The following KIF26B variants were observed in gnomAD, a reference collection of about 807,000 sequenced individuals.
The protein encoded by KIF26B is kinesin family member 26B, also known as kinesin-like protein KIF26B.
Under a neutral mutation model 151.2 loss-of-function variants are expected in KIF26B, and 63 were observed. The ratio of observed to expected loss-of-function variants is 0.42; its 90% CI spans 0.34 to 0.51. The LOEUF (loss-of-function observed/expected upper bound fraction) is 0.51. Among genes scored for constraint, KIF26B ranks in the 20% least tolerant of loss-of-function variants. The pLI is 0.07. For missense variants in KIF26B, 2,813 were observed against 2,913.6 expected, an observed-to-expected ratio of 0.97 and a Z score of 0.79; for synonymous variants, 1,357 against 1,262.1, an observed-to-expected ratio of 1.08 and a Z score of -1.59.
At chr1:245,258,744 A>G (rs1270191572) in intron 2 of KIF26B, among the ~76,000 whole-genome samples, 2 of 152,020 alleles carry the variant, frequency 1.3e-5, no homozygotes, top group Admixed American at 6.6e-5. Flanking sequence ...GGAGCACAGC[A>G]TGGTGGGGGG....
Position 245,478,811 on chromosome 1 carries a change from G to A in KIF26B, c.1166+59066G>A, listed in dbSNP as rs74154407. ...GGAAGGAAACCAGGCAGGATGTGAT[G>A]GCAGCGACGTGGGTGAGAGTGGTGA... is the stretch of plus-strand genomic sequence containing the variant. On this transcript the variant is annotated intron_variant, in intron 4 of 14. Coordinates refer to ENST00000407071, the MANE Select transcript of KIF26B (RefSeq NM_018012.4). Among the ~76,000 whole-genome samples, 183 of 151,888 alleles carry A rather than the reference G, an allele frequency of 1.2e-3. 1 individual carries two copies. Among genetic ancestry groups the A allele is most frequent in the African/African-American group, 4.1e-3 (171 of 41,524 alleles).
intron 3 of KIF26B, among the ~76,000 whole-genome samples, chr1:245,413,193 A>T (rs1424208096): frequency 1.3e-5 from 2 of 152,216 alleles, no homozygotes; most frequent in Non-Finnish European, 2.9e-5. Context: ...TGACAGTGAC[A>T]CATACACGTA....
intron 2 of KIF26B, among the ~76,000 whole-genome samples, chr1:245,264,901 C>CAA (rs909538216): frequency 7.5e-6 from 1 of 134,140 alleles, no homozygotes; most frequent in Admixed American, 7.6e-5. Flanking sequence ...TCAAAAAAAA[C>CAA]AAAAAAAAAG....
At chr1:245,463,528 G>A (rs1376412750) in intron 4 of KIF26B, among the ~76,000 whole-genome samples, 1 of 152,182 alleles carries the variant, frequency 6.6e-6, no homozygotes, top group Non-Finnish European at 1.5e-5. Flanking sequence ...ATGGAGCTAT[G>A]GACATGAAAG....
intron 4 of KIF26B, among the ~76,000 whole-genome samples, chr1:245,494,886 A>G (rs10802214): frequency 0.33 from 49,511 of 151,910 alleles, 9,864 homozygotes; most frequent in Middle Eastern, 0.48. Context: ...TAAAAAATAC[A>G]AAAATTAGCC....
chr1:245,285,722 C>T (rs1187995387), intron 2 of KIF26B, among the ~76,000 whole-genome samples: 2 of 149,950 alleles, frequency 1.3e-5, no homozygotes, highest in African/African-American at 4.9e-5. Context: ...GAGGGAGGAT[C>T]ACTTGAGCCC....
At chr1:245,408,178 T>G (rs930829283) in intron 3 of KIF26B, among the ~76,000 whole-genome samples, 12 of 152,140 alleles carry the variant, frequency 7.9e-5, no homozygotes, top group African/African-American at 2.9e-4. Context: ...AGTCTGAATT[T>G]GCTGAGTTGC....
At chr1:245,454,065 A>G (rs1380298753) in intron 4 of KIF26B, among the ~76,000 whole-genome samples, 1 of 152,196 alleles carries the variant, frequency 6.6e-6, no homozygotes, top group Non-Finnish European at 1.5e-5. Flanking sequence ...GGGAAGGCCA[A>G]TCAGTTGAAG....
At chr1:245,251,236 A>G (rs544580555) in intron 2 of KIF26B, among the ~76,000 whole-genome samples, 1 of 152,290 alleles carries the variant, frequency 6.6e-6, no homozygotes, top group South Asian at 2.1e-4. Context: ...ATTTGTACAA[A>G]TATTTAGGCA....
chr1:245,268,595 A>G (rs1436581693), intron 2 of KIF26B, among the ~76,000 whole-genome samples: 2 of 151,706 alleles, frequency 1.3e-5, no homozygotes, highest in African/African-American at 2.4e-5. Context: ...CCATGTTTCC[A>G]GAGTGCACTG....
intron 4 of KIF26B, among the ~76,000 whole-genome samples, chr1:245,470,099 C>A (rs1344667976): frequency 4.6e-5 from 7 of 152,024 alleles, no homozygotes; most frequent in Non-Finnish European, 1.5e-5. Context: ...GAGCCACACA[C>A]ACTGATTGTT....
intron 11 of KIF26B, 71 bp from the exon 12 acceptor site, chr1:245,685,334 C>G: frequency 7.7e-7 from 1 of 1,295,730 alleles, no homozygotes; most frequent in East Asian, 2.5e-5. Flanking sequence ...TCACCACTTG[C>G]CGCGCACAGC....
At chr1:245,507,432 T>A (rs1660746722) in intron 4 of KIF26B, among the ~76,000 whole-genome samples, 1 of 152,224 alleles carries the variant, frequency 6.6e-6, no homozygotes, top group South Asian at 2.1e-4. Context: ...TGGCCCATCC[T>A]CGTGTCCTGT....
intron 2 of KIF26B, among the ~76,000 whole-genome samples, chr1:245,321,795 C>T (rs562715090): frequency 6.6e-6 from 1 of 152,344 alleles, no homozygotes; most frequent in Non-Finnish European, 1.5e-5. Flanking sequence ...CCAGTTCGCT[C>T]AGCCATTCAA....
At chr1:245,437,265 C>G (rs1658958458) in intron 4 of KIF26B, among the ~76,000 whole-genome samples, 1 of 152,196 alleles carries the variant, frequency 6.6e-6, no homozygotes, top group Admixed American at 6.5e-5. Context: ...CCCATTCTCT[C>G]TCTCTGCCGA....
intron 2 of KIF26B, among the ~76,000 whole-genome samples, chr1:245,163,274 T>C (rs1260114364): frequency 6.6e-6 from 1 of 152,148 alleles, no homozygotes; most frequent in African/African-American, 2.4e-5. Context: ...CACAAGTAGC[T>C]GGAAATACAG....
chr1:245,498,415 T>A (rs1211991189), intron 4 of KIF26B, among the ~76,000 whole-genome samples: 1 of 152,088 alleles, frequency 6.6e-6, no homozygotes, highest in Non-Finnish European at 1.5e-5. Context: ...GGCAGCTGGG[T>A]TAAGGAAGAA....
chr1:245,640,806 C>G (rs1336954203), intron 9 of KIF26B, among the ~76,000 whole-genome samples: 3 of 152,120 alleles, frequency 2.0e-5, no homozygotes, highest in Admixed American at 6.5e-5. Flanking sequence ...AAAACACATG[C>G]ATTTTAATTC....
rs531932078 is a variant in KIF26B, at chr1:245,269,342, T to A, written c.466-97492T>A. ...CATTCTACTTTCTGCTGCTTTGATT[T>A]TGACTACATTAGCTACCTCATCTAA... On this transcript the variant is annotated intron_variant, in intron 2 of 14. Coordinates refer to ENST00000407071, the MANE Select transcript of KIF26B (RefSeq NM_018012.4). Among the ~76,000 whole-genome samples the A allele has an allele frequency of 2.3e-4, 35 of 150,688 alleles. 2 individuals are homozygous for A. In the South Asian group the frequency reaches 7.3e-3, roughly 31 times the overall value.
Sources: allele counts gnomAD v4.1 joint callset (sites outside exome capture counted in the v4.1 genomes callset), GRCh38; gene constraint gnomAD v4.1.1; transcripts MANE v1.5; gene names NCBI Gene and HGNC (gene_info 2026-07-23, HGNC 2026-07-21).